MTMR8: variants seen among roughly 807,000 people sequenced by gnomAD.
MTMR8 encodes the protein phosphatidylinositol-3,5-bisphosphate 3-phosphatase MTMR8.
In MTMR8, 65 loss-of-function variants were observed where a neutral mutation model predicts 39.3. The observed-to-expected ratio is 1.65, with a 90% CI of 1.35 to 2.03. The LOEUF (loss-of-function observed/expected upper bound fraction) is 2.03, where lower values mean the gene tolerates loss of function less well. Among genes scored for constraint, MTMR8 ranks in the 30% most tolerant of loss-of-function variants. MTMR8 has a pLI of 0.00. For missense variants in MTMR8, 777 were observed against 538.9 expected (o/e 1.44, Z -4.37); for synonymous variants, 245 against 185.2 (o/e 1.32, Z -2.62).
At chrX:64,375,369 A>T (rs745501264) in intron 1 of MTMR8, among the ~76,000 whole-genome samples, 5 of 110,853 alleles carry the variant, frequency 4.5e-5, no homozygotes, top group Admixed American at 9.6e-5. Context: ...AAAAAAAAAA[A>T]GTAAAGGGAT....
intron 1 of MTMR8, among the ~76,000 whole-genome samples, chrX:64,376,012 G>C (rs951947890): frequency 4.5e-5 from 5 of 111,658 alleles, no homozygotes; most frequent in Non-Finnish European, 9.4e-5. Flanking sequence ...GTTCCACCAT[G>C]TGAAGATGTG....
At chrX:64,313,180 T>C (rs745850134) in intron 12 of MTMR8, among the ~76,000 whole-genome samples, 2 of 112,545 alleles carry the variant, frequency 1.8e-5, no homozygotes, top group Admixed American at 1.9e-4. Context: ...CTTCTTCCAA[T>C]AGAAAGCTGC....
chrX:64,378,542 C>T (rs2147244558), intron 1 of MTMR8, among the ~76,000 whole-genome samples: 1 of 112,356 alleles, frequency 8.9e-6, no homozygotes, highest in African/African-American at 3.2e-5. Flanking sequence ...TGTAACAACA[C>T]AGTTCTAAAT....
At chrX:64,380,264 C>G (rs1246939443) in intron 1 of MTMR8, among the ~76,000 whole-genome samples, 1 of 112,649 alleles carries the variant, frequency 8.9e-6, no homozygotes, top group South Asian at 3.6e-4. Flanking sequence ...CAGAAATGCT[C>G]ACACGTTTCA....
intron 12 of MTMR8, among the ~76,000 whole-genome samples, chrX:64,296,776 T>C (rs1268396205): frequency 1.8e-4 from 16 of 87,057 alleles, no homozygotes; most frequent in African/African-American, 7.1e-4. Flanking sequence ...TTCCCCTTCC[T>C]GTGTCCACGT....
chrX:64,272,270 G>A (rs1453863602), intron 12 of MTMR8, among the ~76,000 whole-genome samples: 1 of 111,659 alleles, frequency 9.0e-6, no homozygotes, highest in African/African-American at 3.3e-5. Flanking sequence ...TATCCATCAT[G>A]GAAAATCTCA....
At chrX:64,391,170 C>CA (rs1271736001) in intron 1 of MTMR8, among the ~76,000 whole-genome samples, 1 of 112,214 alleles carries the variant, frequency 8.9e-6, no homozygotes, top group Non-Finnish European at 1.9e-5. Context: ...TTTACAAGTT[C>CA]AAATTCCTCA....
chrX:64,379,373 C>G (rs1327319201), intron 1 of MTMR8, among the ~76,000 whole-genome samples: 2 of 111,698 alleles, frequency 1.8e-5, no homozygotes, highest in African/African-American at 3.3e-5. Context: ...ATGCAAATAT[C>G]CTCAACAAAA....
intron 1 of MTMR8, among the ~76,000 whole-genome samples, chrX:64,394,547 T>A (rs748887416): frequency 9.0e-6 from 1 of 111,514 alleles, no homozygotes; most frequent in East Asian, 2.8e-4. Context: ...TAGTTGTGAA[T>A]TTTTCACTGT....
At chrX:64,363,551 T>C (rs2147236567) in intron 1 of MTMR8, among the ~76,000 whole-genome samples, 1 of 112,377 alleles carries the variant, frequency 8.9e-6, no homozygotes, top group East Asian at 2.8e-4. Flanking sequence ...TGTGTTATGG[T>C]TTCTGCTCAG....
Position 64,345,068 on chromosome X carries a change from C to T in MTMR8, c.842G>A (p.Ser281Asn), listed in dbSNP as rs1923313953. 2 of 1,211,195 alleles carry T rather than the reference C, an allele frequency of 1.7e-6. No homozygotes were observed. Among genetic ancestry groups the T allele is most frequent in the Non-Finnish European group, 2.2e-6 (2 of 895,100 alleles). ...MGIENIHVMRSSLQKLLEVCE... is the reference protein window; with the variant it reads ...MGIENIHVMRNSLQKLLEVCE... ...ACCTTCCAAGAGTTTCTGCAGACTG[C>T]TCCGCATTACATGGATGTTCTCAAT... Residue 281 changes from serine (S) to asparagine (N), a missense_variant, in exon 7 of 14, where the codon AGC becomes AAC. Physicochemically the swap from Ser to Asn is conservative, Grantham distance 46. Coordinates refer to ENST00000374852, the MANE Select transcript of MTMR8 (RefSeq NM_017677.4).
chrX:64,286,209 T>G (rs912495588), intron 12 of MTMR8, among the ~76,000 whole-genome samples: 1 of 111,883 alleles, frequency 8.9e-6, no homozygotes, highest in African/African-American at 3.3e-5. Context: ...TCTACGCAAA[T>G]AAACTAGAAA....
At chrX:64,337,237 C>T (rs769626039) in intron 9 of MTMR8, 31 bp downstream of exon 9, 1 of 1,180,000 alleles carries the variant, frequency 8.5e-7, no homozygotes, top group Non-Finnish European at 1.1e-6. Flanking sequence ...GTCTCTTACA[C>T]AAAGTAAAAT....
In MTMR8 at chrX:64,293,312, T is replaced by A. The variant is rs7877586; in HGVS notation, c.1482-22239A>T. Among the ~76,000 whole-genome samples, 156 of 111,262 alleles carry A rather than the reference T, an allele frequency of 1.4e-3. 1 individual carries two copies. Among genetic ancestry groups the A allele is most frequent in the African/African-American group, 5.0e-3 (153 of 30,647 alleles). On this transcript the variant is annotated intron_variant, in intron 12 of 13. Transcript: ENST00000374852. ...CTGTTAATTCTATGACTATAACCCC[T>A]TCTAGCCTAAATCAAAATTACTATC...
chrX:64,392,326 C>T (rs1924710051), intron 1 of MTMR8, among the ~76,000 whole-genome samples: 1 of 112,263 alleles, frequency 8.9e-6, no homozygotes, highest in Admixed American at 9.4e-5. Flanking sequence ...ATGGATAAAT[C>T]ACATGTGGCA....
intron 12 of MTMR8, among the ~76,000 whole-genome samples, chrX:64,279,676 A>G (rs1177741693): frequency 8.9e-6 from 1 of 111,983 alleles, no homozygotes; most frequent in Non-Finnish European, 1.9e-5. Flanking sequence ...TGAATAGCAA[A>G]AACAATCTTG....
chrX:64,278,969 A>G, intron 12 of MTMR8, among the ~76,000 whole-genome samples: 1 of 111,469 alleles, frequency 9.0e-6, no homozygotes. Flanking sequence ...CACCTGCCAG[A>G]TGCCAGCCAG....
intron 12 of MTMR8, among the ~76,000 whole-genome samples, chrX:64,315,951 T>C (rs979572577): frequency 9.0e-6 from 1 of 111,682 alleles, no homozygotes; most frequent in African/African-American, 3.3e-5. Context: ...TCTCTGTGTG[T>C]CCGTGTATCA....
At chrX:64,298,582 T>C (rs60933079) in intron 12 of MTMR8, among the ~76,000 whole-genome samples, 4,341 of 83,921 alleles carry the variant, frequency 0.052, 1,272 homozygotes, top group African/African-American at 0.51. Flanking sequence ...CCTTCTCCTG[T>C]CTAATTGCCC....
Sources: allele counts gnomAD v4.1 joint callset (sites outside exome capture counted in the v4.1 genomes callset), GRCh38; gene constraint gnomAD v4.1.1; transcripts MANE v1.5; gene names NCBI Gene and HGNC (gene_info 2026-07-23, HGNC 2026-07-21).